Variants in TRIM2 observed in about 807,000 individuals in gnomAD.
TRIM2 encodes the protein tripartite motif-containing protein 2.
TRIM2 carries 20 observed loss-of-function variants against 75.2 expected under a neutral mutation model. That is an observed-to-expected ratio of 0.27 (90% confidence interval 0.19 to 0.39). TRIM2 has a LOEUF of 0.39. Among genes scored for constraint, TRIM2 ranks in the 10% least tolerant of loss-of-function variants. The pLI, the probability that TRIM2 is intolerant of heterozygous loss-of-function variation, is 1.00. For synonymous variants in TRIM2, 373 were observed against 388.3 expected (o/e 0.96, Z 0.46); for missense variants, 660 against 990.8 (o/e 0.67, Z 4.48).
chr4:153,156,135 C>A (rs930925032), intron 1 of TRIM2, among the ~76,000 whole-genome samples: 4 of 152,218 alleles, frequency 2.6e-5, no homozygotes, highest in African/African-American at 9.7e-5. Context: ...CGAAGCTGGC[C>A]CCTCATCCAG....
intron 1 of TRIM2, among the ~76,000 whole-genome samples, chr4:153,188,011 G>T (rs1732783778): frequency 6.6e-6 from 1 of 152,310 alleles, no homozygotes; most frequent in South Asian, 2.1e-4. Context: ...ACAGGAGGAG[G>T]AAGTAGAATC....
In TRIM2 at chr4:153,204,627, A is replaced by G. The variant is rs1734887553; in HGVS notation, c.30+67A>G. On this transcript the variant is annotated intron_variant, in intron 1 of 11. Coordinates refer to ENST00000338700, the MANE Select transcript of TRIM2 (RefSeq NM_015271.5). Reference sequence around the variant, plus strand: ...CAGCTGGTTAATCCGGGGCTGGGAGAAACAAGTTGTGATTGGGTTGCTACT... The same window carrying G: ...CAGCTGGTTAATCCGGGGCTGGGAGGAACAAGTTGTGATTGGGTTGCTACT... 2.3e-5 allele frequency: 35 copies of G among 1,544,362 alleles called. No homozygotes were observed. In the South Asian group the frequency reaches 3.5e-4, roughly 15 times the overall value.
intron 8 of TRIM2, among the ~76,000 whole-genome samples, chr4:153,320,307 T>C (rs1260989975): frequency 6.6e-6 from 1 of 152,246 alleles, no homozygotes; most frequent in Non-Finnish European, 1.5e-5. Flanking sequence ...TCATCATTTA[T>C]AAACTTAGAA....
intron 1 of TRIM2, among the ~76,000 whole-genome samples, chr4:153,159,685 G>T (rs1729570445): frequency 6.6e-6 from 1 of 151,834 alleles, no homozygotes; most frequent in Non-Finnish European, 1.5e-5. Context: ...TTTAATACTT[G>T]AAAAGATTCA....
At chr4:153,300,491 A>C (rs1327122730) in intron 6 of TRIM2, among the ~76,000 whole-genome samples, 1 of 151,982 alleles carries the variant, frequency 6.6e-6, no homozygotes, top group Non-Finnish European at 1.5e-5. Context: ...AACACGTATG[A>C]GGTATTATCT....
At chr4:153,203,487 A>G (rs1579507844), upstream of TRIM2, among the ~76,000 whole-genome samples, 2 of 151,894 alleles carry the variant, frequency 1.3e-5, no homozygotes, top group South Asian at 2.1e-4. Context: ...TGGGCATACA[A>G]TAAATCCATA....
intron 1 of TRIM2, among the ~76,000 whole-genome samples, chr4:153,174,555 G>A (rs1369886952): frequency 2.0e-5 from 3 of 152,150 alleles, no homozygotes; most frequent in Non-Finnish European, 2.9e-5. Context: ...CCAGGGCTGC[G>A]GCCAACCTGC....
chr4:153,243,075 A>T (rs1747079307), intron 1 of TRIM2, among the ~76,000 whole-genome samples: 1 of 152,200 alleles, frequency 6.6e-6, no homozygotes, highest in African/African-American at 2.4e-5. Context: ...TTCCAACTTC[A>T]AACACACCTC....
intron 1 of TRIM2, among the ~76,000 whole-genome samples, chr4:153,236,842 C>T (rs1295599346): frequency 6.6e-6 from 1 of 152,002 alleles, no homozygotes; most frequent in Non-Finnish European, 1.5e-5. Context: ...TAGGTGTGTA[C>T]CACCATACCT....
At chr4:153,181,592 C>T (rs555909186) in intron 1 of TRIM2, among the ~76,000 whole-genome samples, 1 of 152,206 alleles carries the variant, frequency 6.6e-6, no homozygotes, top group Non-Finnish European at 1.5e-5. Context: ...GGCGTTCAAC[C>T]TTCCCTCATG....
In TRIM2 at chr4:153,314,350, G is replaced by C. The variant is rs571702108; in HGVS notation, c.1511-1135G>C. On this transcript the variant is annotated intron_variant, in intron 6 of 11. Coordinates refer to ENST00000338700, the MANE Select transcript of TRIM2 (RefSeq NM_015271.5). Reference sequence around the variant, plus strand: ...CAGGAGAATGGCGTGAACCCGGGAGGTGGAGCTTGCAGTGAGCCGAGATCC... The same window carrying C: ...CAGGAGAATGGCGTGAACCCGGGAGCTGGAGCTTGCAGTGAGCCGAGATCC... 6.4e-3 allele frequency among the ~76,000 whole-genome samples: 918 copies of C among 143,046 alleles called. 13 individuals carry two copies. The highest frequency in any genetic ancestry group is 6.9e-3 in the Middle Eastern group (2 of 290). 93.8% of individuals were successfully genotyped at this position (143,046 alleles called of 152,430 possible). A position where few individuals can be genotyped will look rare whatever the true frequency, so the allele number is the denominator to read the frequency against.
upstream of TRIM2, among the ~76,000 whole-genome samples, chr4:153,203,886 C>T (rs28548572): frequency 0.32 from 47,497 of 148,800 alleles, 8,714 homozygotes; most frequent in African/African-American, 0.54. Flanking sequence ...AGCGAGACTC[C>T]ATCTCAATAA....
rs1394218651 is a variant in TRIM2 at position 153,295,037 on chromosome 4, G to A, written c.787-276G>A. ...TAGCAATTAATTTGCTATGCTCTTG[G>A]TAGTGACCTTTCTGTTTTCCCCTCT... On this transcript the variant is annotated intron_variant, in intron 5 of 11. Coordinates refer to ENST00000338700, the MANE Select transcript of TRIM2 (RefSeq NM_015271.5). This position sits in a 1 kb window ranked among gnomAD's most constrained non-coding sequence, Gnocchi z 7.2. Among the ~76,000 whole-genome samples the A allele has an allele frequency of 6.6e-6, 1 of 152,212 alleles. No individual in the cohort carries two copies. Among genetic ancestry groups the A allele is most frequent in the African/African-American group, 2.4e-5 (1 of 41,462 alleles).
chr4:153,177,204 C>T (rs1731531377), intron 1 of TRIM2, among the ~76,000 whole-genome samples: 1 of 152,220 alleles, frequency 6.6e-6, no homozygotes, highest in South Asian at 2.1e-4. Context: ...CAAAAGGGCT[C>T]CTGCTGGCTC....
chr4:153,156,801 A>G (rs1341343106), intron 1 of TRIM2: 1 of 152,348 alleles, frequency 6.6e-6, no homozygotes, highest in African/African-American at 2.4e-5. Flanking sequence ...AGACAAGACT[A>G]TCTTGACCAG....
chr4:153,310,677 A>G (rs1766078250), intron 6 of TRIM2, among the ~76,000 whole-genome samples: 1 of 152,092 alleles, frequency 6.6e-6, no homozygotes, highest in African/African-American at 2.4e-5. Context: ...AATACGACAA[A>G]AGAGGACCGT....
chr4:153,230,235 C>T (rs941863501), intron 1 of TRIM2, among the ~76,000 whole-genome samples: 1 of 152,118 alleles, frequency 6.6e-6, no homozygotes, highest in Non-Finnish European at 1.5e-5. Context: ...GGCTGGAGTA[C>T]AGTGGCTTGA....
At chr4:153,266,375 ACT>A (rs1319287653) in intron 1 of TRIM2, among the ~76,000 whole-genome samples, 5 of 129,712 alleles carry the variant, frequency 3.9e-5, no homozygotes, top group Non-Finnish European at 6.3e-5. Context: ...ACGGAGTCTG[ACT>A]CTGTCACCAG....
At chr4:153,177,723 T>A (rs1468113385) in intron 1 of TRIM2, among the ~76,000 whole-genome samples, 1 of 149,374 alleles carries the variant, frequency 6.7e-6, no homozygotes, top group African/African-American at 2.5e-5. Context: ...CCTTCCTTCC[T>A]TCCTTCCTTC....
Sources: gnomAD v4.1 joint callset for allele counts (sites outside exome capture counted in the v4.1 genomes callset) on GRCh38, gnomAD v4.1.1 for gene constraint, Gnocchi (gnomAD v3.1) non-coding constraint, MANE v1.5 for transcripts, NCBI Gene and HGNC (gene_info 2026-07-23, HGNC 2026-07-21) for gene names.